Variants in HIVEP3 observed in about 807,000 individuals in gnomAD.
The protein encoded by HIVEP3 is HIVEP zinc finger 3, also known as transcription factor HIVEP3.
HIVEP3 carries 49 observed loss-of-function variants against 152.8 expected under a neutral mutation model. The ratio of observed to expected loss-of-function variants is 0.32; its 90% confidence interval spans 0.26 to 0.41. The LOEUF (loss-of-function observed/expected upper bound fraction) is 0.41, where lower values mean the gene tolerates loss of function less well. Among genes scored for constraint, HIVEP3 ranks in the 10% least tolerant of loss-of-function variants. HIVEP3 has a pLI of 1.00. For synonymous variants in HIVEP3, 1,269 were observed against 1,289.0 expected, an observed-to-expected ratio of 0.98 and a Z score of 0.33; for missense variants, 2,790 against 3,103.3, an observed-to-expected ratio of 0.90 and a Z score of 2.40.
At chr1:41,893,086 G>A (rs571354891) in intron 1 of HIVEP3, among the ~76,000 whole-genome samples, 25 of 142,402 alleles carry the variant, frequency 1.8e-4, no homozygotes, top group Non-Finnish European at 3.4e-4. Context: ...TCGTGCAACT[G>A]CACTCTAGCG....
At chr1:41,640,412 C>T (rs1374781275) in intron 2 of HIVEP3, among the ~76,000 whole-genome samples, 2 of 152,170 alleles carry the variant, frequency 1.3e-5, no homozygotes, top group East Asian at 1.9e-4. Flanking sequence ...GAGAAGACAC[C>T]GTGTTCCCTC....
chr1:41,916,625 C>G (rs927579319), intron 1 of HIVEP3, among the ~76,000 whole-genome samples: 1 of 152,144 alleles, frequency 6.6e-6, no homozygotes, highest in Non-Finnish European at 1.5e-5. Context: ...ATGTAAAGGG[C>G]CTCCAGCCTC....
intron 5 of HIVEP3, chr1:41,542,523 G>C (rs1643556555): frequency 6.6e-6 from 1 of 152,348 alleles, no homozygotes; most frequent in Non-Finnish European, 1.5e-5. Flanking sequence ...CTTGTCCCCA[G>C]GAAGGTCAAT....
rs558777177 is a variant in HIVEP3, at chr1:41,790,524, T to C, written c.-800-89529A>G. Among the ~76,000 whole-genome samples, 505 of 152,336 alleles carry C rather than the reference T, an allele frequency of 3.3e-3. 2 individuals are homozygous for C. The highest frequency in any genetic ancestry group is 5.7e-3 in the Non-Finnish European group (387 of 68,028). On this transcript the variant is annotated intron_variant, in intron 1 of 8. Transcript: ENST00000372583. ...AACCTTGGAAATGTTGCTTAATCTCTCTGTGCTTCTGTTTTCAGATGTACA... is the reference window on the plus strand; with the variant it reads ...AACCTTGGAAATGTTGCTTAATCTCCCTGTGCTTCTGTTTTCAGATGTACA...
chr1:41,694,926 G>T (rs769606503), intron 2 of HIVEP3, among the ~76,000 whole-genome samples: 1 of 152,114 alleles, frequency 6.6e-6, no homozygotes, highest in African/African-American at 2.4e-5. Context: ...TAAAAACCTC[G>T]CCTCTCCTAT....
At chr1:41,663,875 G>A (rs1463803378) in intron 2 of HIVEP3, among the ~76,000 whole-genome samples, 1 of 152,082 alleles carries the variant, frequency 6.6e-6, no homozygotes, top group Non-Finnish European at 1.5e-5. Context: ...TCAGCTCCCA[G>A]GGCCCAATCC....
intron 2 of HIVEP3, among the ~76,000 whole-genome samples, chr1:41,669,518 A>T (rs1388035277): frequency 6.6e-6 from 1 of 152,210 alleles, no homozygotes; most frequent in African/African-American, 2.4e-5. Context: ...ACCCTCCCTA[A>T]CATGGGAGAG....
chr1:41,988,000 G>T (rs1645334411), intron 1 of HIVEP3, among the ~76,000 whole-genome samples: 1 of 152,098 alleles, frequency 6.6e-6, no homozygotes, highest in South Asian at 2.1e-4. Flanking sequence ...TCAACACATA[G>T]GAATTATAGG....
intron 1 of HIVEP3, among the ~76,000 whole-genome samples, chr1:41,965,239 C>T (rs1645191236): frequency 6.6e-6 from 1 of 152,184 alleles, no homozygotes; most frequent in Admixed American, 6.5e-5. Context: ...TCCCACAAAA[C>T]CCCATCCAAA....
chr1:41,545,180 C>T (rs561063053), intron 5 of HIVEP3, among the ~76,000 whole-genome samples: 5 of 140,198 alleles, frequency 3.6e-5, no homozygotes, highest in Admixed American at 6.9e-5. Flanking sequence ...CTACCATTAC[C>T]ACCATCACCA....
chr1:41,560,535 G>A (rs1296244686), intron 5 of HIVEP3, among the ~76,000 whole-genome samples: 1 of 152,180 alleles, frequency 6.6e-6, no homozygotes, highest in Non-Finnish European at 1.5e-5. Flanking sequence ...ACTAAGCAGG[G>A]AAGATGTGGC....
chr1:41,976,389 G>T (rs1014397693), intron 1 of HIVEP3, among the ~76,000 whole-genome samples: 19 of 152,192 alleles, frequency 1.2e-4, no homozygotes, highest in African/African-American at 4.3e-4. Flanking sequence ...CCAATCCTTA[G>T]CCTGCCTTGC....
At chr1:41,599,822 A>G (rs776843439) in intron 3 of HIVEP3, among the ~76,000 whole-genome samples, 3 of 152,208 alleles carry the variant, frequency 2.0e-5, no homozygotes, top group African/African-American at 4.8e-5. Flanking sequence ...TGCAAATCAT[A>G]TATCTGATAA....
intron 1 of HIVEP3, among the ~76,000 whole-genome samples, chr1:41,755,806 T>A (rs1012573388): frequency 6.6e-6 from 1 of 152,162 alleles, no homozygotes; most frequent in Admixed American, 6.5e-5. Flanking sequence ...CAGCTAAAAT[T>A]AAAAATACTG....
chr1:42,001,127 C>T (rs777584723), intron 1 of HIVEP3, among the ~76,000 whole-genome samples: 6 of 152,116 alleles, frequency 3.9e-5, no homozygotes, highest in Non-Finnish European at 5.9e-5. Context: ...AGGTTAGACA[C>T]AGAACCTCTA....
At chr1:41,810,849 T>C (rs555563089) in intron 1 of HIVEP3, among the ~76,000 whole-genome samples, 4 of 150,492 alleles carry the variant, frequency 2.7e-5, no homozygotes, top group Admixed American at 1.3e-4. Flanking sequence ...TGGATCTCTT[T>C]AAGAAGCCAG....
Position 41,552,048 on chromosome 1 carries a change from T to C in HIVEP3, c.5207+23496A>G, listed in dbSNP as rs577214629. ...CTATAAATTTCCCTCTACACACTGC[T>C]TTAAATGTGTCCCAGAGGTCCTGGT... On this transcript the variant is annotated intron_variant, in intron 5 of 8. Transcript: ENST00000372583. Among the ~76,000 whole-genome samples, 35 of 152,342 alleles carry C rather than the reference T, an allele frequency of 2.3e-4. No individual in the cohort carries two copies. The East Asian group carries it at 6.7e-3, about 29-fold the overall frequency.
At chr1:41,735,771 C>T (rs559166110) in intron 1 of HIVEP3, among the ~76,000 whole-genome samples, 1 of 152,302 alleles carries the variant, frequency 6.6e-6, no homozygotes, top group South Asian at 2.1e-4. Flanking sequence ...CACCCACGTG[C>T]TATCTAAATT....
chr1:41,855,615 T>C (rs1041094915), intron 1 of HIVEP3, among the ~76,000 whole-genome samples: 1 of 152,192 alleles, frequency 6.6e-6, no homozygotes, highest in Admixed American at 6.5e-5. Flanking sequence ...ATTCCCTAAC[T>C]CTTGAAGTCA....
Sources: allele counts gnomAD v4.1 joint callset (sites outside exome capture counted in the v4.1 genomes callset), GRCh38; gene constraint gnomAD v4.1.1; transcripts MANE v1.5; gene names NCBI Gene and HGNC (gene_info 2026-07-23, HGNC 2026-07-21).